SHQ1: variants seen among roughly 807,000 people sequenced by gnomAD.
The protein encoded by SHQ1 is protein SHQ1 homolog.
SHQ1 carries 49 observed loss-of-function variants against 53.8 expected under a neutral mutation model. The ratio of observed to expected loss-of-function variants is 0.91; its 90% CI spans 0.72 to 1.16. The LOEUF is 1.16. Ranked by LOEUF, SHQ1 falls within the 50% of genes most tolerant of loss-of-function variation. SHQ1 has a pLI of 0.00. For missense variants in SHQ1, 738 were observed against 683.1 expected (o/e 1.08, Z -0.90); for synonymous variants, 243 against 251.0 (o/e 0.97, Z 0.30).
At chr3:72,827,898 G>A (rs889072673) in intron 5 of SHQ1, among the ~76,000 whole-genome samples, 3 of 151,866 alleles carry the variant, frequency 2.0e-5, no homozygotes, top group African/African-American at 7.3e-5. Context: ...GGGACTACAG[G>A]CGCCCGCCAC....
intron 4 of SHQ1, 96 bp downstream of exon 4, chr3:72,840,949 T>G (rs1708161890): frequency 7.2e-7 from 1 of 1,392,220 alleles, no homozygotes; most frequent in Admixed American, 2.4e-5. Flanking sequence ...TCCTGTAATA[T>G]TATTTTTAAA....
intron 7 of SHQ1, among the ~76,000 whole-genome samples, chr3:72,815,826 G>A (rs975713494): frequency 6.6e-6 from 1 of 152,166 alleles, no homozygotes; most frequent in African/African-American, 2.4e-5. Flanking sequence ...TAGAAAATTT[G>A]ATCTTTCAGA....
chr3:72,765,553 A>T (rs867291345), intron 10 of SHQ1, among the ~76,000 whole-genome samples: 1,822 of 85,338 alleles, frequency 0.021, 129 homozygotes, highest in African/African-American at 0.1. Flanking sequence ...ATATATATAT[A>T]TATATTTTTT....
intron 9 of SHQ1, among the ~76,000 whole-genome samples, chr3:72,800,522 A>T (rs566950410): frequency 1.8e-4 from 28 of 152,344 alleles, no homozygotes; most frequent in African/African-American, 6.7e-4. Context: ...CTCAACCACT[A>T]TGCAATAAAT....
Position 72,762,587 on chromosome 3 carries a change from G to A in SHQ1, c.1182-11751C>T, listed in dbSNP as rs1298051486. On this transcript the variant is annotated intron_variant, in intron 10 of 10. Coordinates refer to ENST00000325599, the MANE Select transcript of SHQ1 (RefSeq NM_018130.3). ...ATACCTCACTTGAATTGTGTACCTC[G>A]CAAGGTCTCCCGTTCCATACGGGCT... Among the ~76,000 whole-genome samples the A allele has an allele frequency of 5.9e-5, 9 of 152,106 alleles. No homozygotes were observed. In the East Asian group the frequency reaches 1.2e-3, roughly 20 times the overall value.
chr3:72,811,136 T>G (rs1707106796), intron 9 of SHQ1, among the ~76,000 whole-genome samples: 1 of 152,204 alleles, frequency 6.6e-6, no homozygotes, highest in South Asian at 2.1e-4. Flanking sequence ...CTAGATTACT[T>G]CCCAGAATAA....
At chr3:72,804,432 G>A (rs1251001252) in intron 9 of SHQ1, among the ~76,000 whole-genome samples, 1 of 77,516 alleles carries the variant, frequency 1.3e-5, no homozygotes, top group African/African-American at 4.9e-5. Context: ...CCCCCACCCC[G>A]CCACCCTCCG....
intron 10 of SHQ1, chr3:72,753,670 G>A (rs1351530955): frequency 3.0e-6 from 3 of 983,846 alleles, no homozygotes; most frequent in Non-Finnish European, 3.6e-6. Context: ...GAGGGGTTTA[G>A]GGTAAAGAGG....
chr3:72,750,669 G>A lies in SHQ1; in HGVS notation c.1349C>T (p.Ser450Phe), dbSNP rs748702725. 11 of 1,611,368 alleles carry A rather than the reference G, an allele frequency of 6.8e-6. No homozygotes were observed. The highest frequency in any genetic ancestry group is 2.7e-5 in the African/African-American group (2 of 74,758). The change falls in exon 11 of 11, where the codon TCC becomes TTC. Residue 450 changes from serine to phenylalanine, a missense_variant. Coordinates refer to ENST00000325599, the MANE Select transcript of SHQ1 (RefSeq NM_018130.3). ...CTCCGAATCACTTGCCTCAGAGCTG[G>A]AGCAAAGTGTCTGCTGCCCAGAAAC... Reference protein sequence around the residue: ...HSVSGQQTLCSSSEASDSEDS... With the variant: ...HSVSGQQTLCFSSEASDSEDS...
chr3:72,844,329 A>G (rs1485441868), intron 2 of SHQ1, 30 bp downstream of exon 2: 3 of 1,592,618 alleles, frequency 1.9e-6, no homozygotes, highest in Non-Finnish European at 1.7e-6. Flanking sequence ...ATCCCAAGAA[A>G]TAAACTAACA....
At chr3:72,793,543 T>C (rs1706511648) in intron 9 of SHQ1, 1 of 151,964 alleles carries the variant, frequency 6.6e-6, no homozygotes, top group African/African-American at 2.4e-5. Flanking sequence ...ATATAATCTT[T>C]ATATTCTGTT....
chr3:72,748,416 C>T (rs938200516), downstream of SHQ1, among the ~76,000 whole-genome samples: 6 of 142,838 alleles, frequency 4.2e-5, no homozygotes, highest in South Asian at 4.6e-4. Flanking sequence ...AACTGCCGGG[C>T]GTGGTCGCTC....
At chr3:72,768,795 A>G (rs1182430966) in intron 10 of SHQ1, among the ~76,000 whole-genome samples, 1 of 152,180 alleles carries the variant, frequency 6.6e-6, no homozygotes, top group Non-Finnish European at 1.5e-5. Context: ...CCTTTACAAC[A>G]GCGTTCAACA....
chr3:72,729,133 A>G, the SHQ1 span, among the ~76,000 whole-genome samples: 3 of 152,198 alleles, frequency 2.0e-5, no homozygotes, highest in Non-Finnish European at 2.9e-5. Flanking sequence ...AGAGATTCCA[A>G]TGCCAGGGGA....
At chr3:72,748,623 AG>A (rs1705299943), downstream of SHQ1, among the ~76,000 whole-genome samples, 1 of 152,150 alleles carries the variant, frequency 6.6e-6, no homozygotes, top group South Asian at 2.1e-4. Flanking sequence ...CCTGGAAGGC[AG>A]ATGTTGCAGT....
rs1315245242 is a variant in SHQ1 at position 72,763,062 on chromosome 3, C to CACTGAG, written c.1182-12227_1182-12226insCTCAGT. ...ACACACACACACACACACACACACA[C>CACTGAG]AGAGAGAGAGAGAGAGAGAGAGAGA... On this transcript the variant is annotated intron_variant, in intron 10 of 10. Coordinates refer to ENST00000325599, the MANE Select transcript of SHQ1 (RefSeq NM_018130.3). Among the ~76,000 whole-genome samples, 326 of 76,264 alleles carry CACTGAG rather than the reference C, an allele frequency of 4.3e-3. 2 individuals carry two copies. The highest frequency in any genetic ancestry group is 0.012 in the African/African-American group (316 of 25,844). The allele number at this position is 76,264 out of a possible 152,430, so 50.0% of individuals were successfully genotyped here.
chr3:72,760,503 CT>C (rs1705585636), intron 10 of SHQ1, among the ~76,000 whole-genome samples: 1 of 152,186 alleles, frequency 6.6e-6, no homozygotes, highest in Non-Finnish European at 1.5e-5. Context: ...TACTCCAATT[CT>C]TCCACTTTAT....
chr3:72,845,420 T>C (rs1708299309), intron 1 of SHQ1, among the ~76,000 whole-genome samples: 1 of 151,318 alleles, frequency 6.6e-6, no homozygotes, highest in Non-Finnish European at 1.5e-5. Context: ...GAAGGGGAGG[T>C]TGCAGTGAGC....
intron 4 of SHQ1, among the ~76,000 whole-genome samples, chr3:72,833,633 G>A (rs565559371): frequency 2.0e-5 from 3 of 152,032 alleles, no homozygotes; most frequent in Non-Finnish European, 2.9e-5. Flanking sequence ...TGTAAAAGTC[G>A]AATCCTAAGA....
Sources: allele counts gnomAD v4.1 joint callset (sites outside exome capture counted in the v4.1 genomes callset), GRCh38; gene constraint gnomAD v4.1.1; transcripts MANE v1.5; gene names NCBI Gene and HGNC (gene_info 2026-07-23, HGNC 2026-07-21).